Variants in KALRN observed in about 807,000 individuals in gnomAD.
KALRN encodes the protein kalirin RhoGEF kinase, also known as kalirin.
In KALRN, 70 loss-of-function variants were observed where a neutral mutation model predicts 353.7. The ratio of observed to expected loss-of-function variants is 0.20; its 90% CI spans 0.16 to 0.24. The LOEUF (loss-of-function observed/expected upper bound fraction) is 0.24, where lower values mean the gene tolerates loss of function less well. Among genes scored for constraint, KALRN ranks in the 10% least tolerant of loss-of-function variants. The pLI is 1.00. For synonymous variants in KALRN, 1,391 were observed against 1,434.8 expected, an observed-to-expected ratio of 0.97 and a Z score of 0.69; for missense variants, 2,791 against 3,756.7, an observed-to-expected ratio of 0.74 and a Z score of 6.72.
At chr3:124,607,356 A>G (rs1433002773) in intron 34 of KALRN, among the ~76,000 whole-genome samples, 2 of 152,222 alleles carry the variant, frequency 1.3e-5, no homozygotes, top group African/African-American at 4.8e-5. Context: ...GGGTGAATGC[A>G]TTGAAAATGA....
At chr3:124,248,280 T>C (rs900379699) in intron 3 of KALRN, among the ~76,000 whole-genome samples, 3 of 152,228 alleles carry the variant, frequency 2.0e-5, no homozygotes, top group African/African-American at 7.2e-5. Flanking sequence ...TTAGGGCCAA[T>C]GCCGGGATCT....
chr3:124,419,525 C>T (rs896120097), intron 14 of KALRN, among the ~76,000 whole-genome samples: 1 of 152,034 alleles, frequency 6.6e-6, no homozygotes, highest in Non-Finnish European at 1.5e-5. Context: ...CAGCATATGA[C>T]CTCAGTTCTC....
At chr3:124,439,196 T>TCACACACACACACACACA (rs1491034990) in intron 18 of KALRN, among the ~76,000 whole-genome samples, 159 bp downstream of exon 18, 1 of 79,234 alleles carries the variant, frequency 1.3e-5, no homozygotes, top group African/African-American at 5.1e-5. Flanking sequence ...CTTCTCTCTC[T>TCACACACACACACACACA]CTCTCACACA....
At chr3:124,503,518 G>A (rs751719880) in intron 33 of KALRN, among the ~76,000 whole-genome samples, 1 of 151,500 alleles carries the variant, frequency 6.6e-6, no homozygotes, top group African/African-American at 2.4e-5. Flanking sequence ...TTTCTTCCCA[G>A]TATAGTTCCT....
chr3:124,341,496 C>G (rs1282677435), intron 9 of KALRN, among the ~76,000 whole-genome samples: 1 of 152,168 alleles, frequency 6.6e-6, no homozygotes, highest in East Asian at 1.9e-4. Context: ...GGTGAAAAAC[C>G]CATACTCTTT....
intron 1 of KALRN, among the ~76,000 whole-genome samples, chr3:124,149,505 T>C (rs2067805914): frequency 6.6e-6 from 1 of 152,170 alleles, no homozygotes; most frequent in Admixed American, 6.5e-5. Flanking sequence ...TTTCCAAGTT[T>C]TGGAAGTGGG....
chr3:124,679,363 C>A, intron 50 of KALRN, 95 bp from the exon 51 acceptor site: 1 of 1,052,882 alleles, frequency 9.5e-7, no homozygotes, highest in South Asian at 1.5e-5. Flanking sequence ...TCCCATCGCC[C>A]ATGCTTCTCT....
intron 1 of KALRN, among the ~76,000 whole-genome samples, chr3:124,169,426 C>T (rs994225595): frequency 4.6e-5 from 7 of 152,136 alleles, no homozygotes; most frequent in Non-Finnish European, 8.8e-5. Context: ...TCTCTTTAAT[C>T]CTGAGCCAGT....
intron 5 of KALRN, among the ~76,000 whole-genome samples, chr3:124,294,558 A>G (rs1580623729): frequency 9.7e-6 from 1 of 103,000 alleles, no homozygotes; most frequent in African/African-American, 3.8e-5. Context: ...GGAGTCTCGC[A>G]CTGTTCCCTG....
chr3:124,724,104 G>T lies in KALRN; in HGVS notation c.*4634G>T, dbSNP rs1356451769. 2 of 151,334 alleles carry T rather than the reference G, an allele frequency of 1.3e-5. No homozygotes were observed. The highest frequency in any genetic ancestry group is 2.9e-5 in the Non-Finnish European group (2 of 67,932). 9.4% of individuals were successfully genotyped at this position (151,334 alleles called of 1,614,324 possible). A position where few individuals can be genotyped will look rare whatever the true frequency, so the allele number is the denominator to read the frequency against. ...CTATCCCATAACCTCCATGATTAGA[G>T]CCCACGAGTTAGGCATTACTTTTTT... On this transcript the variant is annotated 3_prime_UTR_variant, in exon 60 of 60. Coordinates refer to ENST00000682506, the MANE Select transcript of KALRN (RefSeq NM_001388419.1).
intron 1 of KALRN, among the ~76,000 whole-genome samples, chr3:124,216,797 C>T (rs985910449): frequency 6.6e-6 from 1 of 152,136 alleles, no homozygotes; most frequent in African/African-American, 2.4e-5. Context: ...TTATGCTGGG[C>T]CCTGGTTATG....
At chr3:124,412,855 C>T (rs968642012) in intron 13 of KALRN, among the ~76,000 whole-genome samples, 1 of 152,218 alleles carries the variant, frequency 6.6e-6, no homozygotes, top group Admixed American at 6.5e-5. Context: ...CAATAGAACA[C>T]AGGAACCAGA....
At chr3:124,342,034 T>C (rs1486972302) in intron 9 of KALRN, among the ~76,000 whole-genome samples, 1 of 150,978 alleles carries the variant, frequency 6.6e-6, no homozygotes, top group African/African-American at 2.4e-5. Context: ...TAAGAGGGGG[T>C]AGGGCCAGGT....
chr3:124,087,312 A>T (rs1230693391), intron 1 of KALRN, among the ~76,000 whole-genome samples: 2 of 152,212 alleles, frequency 1.3e-5, no homozygotes, highest in East Asian at 3.8e-4. Flanking sequence ...TTCCTGTCAG[A>T]GAAAGTCTAA....
intron 1 of KALRN, among the ~76,000 whole-genome samples, chr3:124,216,398 G>A (rs745358217): frequency 6.6e-6 from 1 of 152,158 alleles, no homozygotes; most frequent in South Asian, 2.1e-4. Context: ...CAACGATTTA[G>A]GGTGTCATAG....
At position 124,502,887 on chromosome 3, in the gene KALRN, T is replaced by G. The variant is rs114171718; in HGVS notation, c.4935+6474T>G. On this transcript the variant is annotated intron_variant, in intron 33 of 59. Coordinates refer to ENST00000682506, the MANE Select transcript of KALRN (RefSeq NM_001388419.1). ...ATCTTAGCACTTCACATGGTAATAT[T>G]TTTCACTTGACACATTCTTGAAAAC... Among the ~76,000 whole-genome samples the G allele has an allele frequency of 5.0e-3, 765 of 152,310 alleles. 5 individuals carry two copies. Among genetic ancestry groups the G allele is most frequent in the African/African-American group, 0.018 (729 of 41,562 alleles).
At chr3:124,573,778 A>C (rs896285228) in intron 34 of KALRN, among the ~76,000 whole-genome samples, 2 of 152,174 alleles carry the variant, frequency 1.3e-5, no homozygotes, top group African/African-American at 4.8e-5. Flanking sequence ...CAGCAGGTCC[A>C]TCTGGCTCCG....
At chr3:124,276,408 C>G (rs1044788115) in intron 5 of KALRN, among the ~76,000 whole-genome samples, 1 of 152,180 alleles carries the variant, frequency 6.6e-6, no homozygotes, top group Admixed American at 6.5e-5. Flanking sequence ...ATAAACAGTT[C>G]TGGTCACTCC....
intron 5 of KALRN, among the ~76,000 whole-genome samples, chr3:124,284,752 G>A (rs550325994): frequency 6.6e-6 from 1 of 152,226 alleles, no homozygotes; most frequent in East Asian, 1.9e-4. Flanking sequence ...AGAATGCTTT[G>A]GGCTTCAAGA....
Sources: allele counts gnomAD v4.1 joint callset (sites outside exome capture counted in the v4.1 genomes callset), GRCh38; gene constraint gnomAD v4.1.1; transcripts MANE v1.5; gene names NCBI Gene and HGNC (gene_info 2026-07-23, HGNC 2026-07-21).